The following HMCN1 variants were observed in gnomAD, a reference collection of about 807,000 sequenced individuals.
The protein encoded by HMCN1 is hemicentin 1.
HMCN1 carries 321 observed loss-of-function variants against 625.9 expected under a neutral mutation model. The ratio of observed to expected loss-of-function variants is 0.51; its 90% CI spans 0.47 to 0.56. The LOEUF is 0.56. Among genes scored for constraint, HMCN1 ranks in the 20% least tolerant of loss-of-function variants. HMCN1 has a pLI of 0.00. For synonymous variants in HMCN1, 2,425 were observed against 2,417.6 expected (o/e 1.00, Z -0.09); for missense variants, 6,588 against 6,887.3 (o/e 0.96, Z 1.54).
intron 1 of HMCN1, 132 bp downstream of exon 1, chr1:185,735,179 C>A: frequency 9.7e-7 from 1 of 1,028,484 alleles, no homozygotes; most frequent in Non-Finnish European, 1.5e-6. Context: ...ATAGTTGTAA[C>A]AAAGAATTAC....
intron 15 of HMCN1, among the ~76,000 whole-genome samples, chr1:185,975,645 T>A (rs1277369859): frequency 1.3e-5 from 2 of 152,118 alleles, no homozygotes; most frequent in East Asian, 1.9e-4. Flanking sequence ...TTAACTATGT[T>A]TAAATATGTT....
intron 40 of HMCN1, 32 bp downstream of exon 40, chr1:186,041,168 G>T: frequency 6.3e-7 from 1 of 1,593,934 alleles, no homozygotes; most frequent in Non-Finnish European, 8.6e-7. Flanking sequence ...TTCTCTTCTG[G>T]TAGAGATATG....
chr1:185,911,913 A>G (rs568213416), intron 6 of HMCN1, 133 bp downstream of exon 6: 3 of 717,258 alleles, frequency 4.2e-6, no homozygotes, highest in East Asian at 2.7e-5. Flanking sequence ...AGCAACGTAC[A>G]TAGGTGTTTG....
rs761093461 is a variant in HMCN1 at position 186,001,686 on chromosome 1, C to A, written c.4293C>A (p.Cys1431Ter). The A allele has an allele frequency of 6.2e-7, 1 of 1,612,412 alleles. No homozygotes were observed. Among genetic ancestry groups the A allele is most frequent in the Non-Finnish European group, 8.5e-7 (1 of 1,178,762 alleles). Reference sequence around the variant, plus strand: ...CAGAGGATGCAGGAAGATATTCCTGCAAAGCAATTAATATTGCAGGCACTT... The same window carrying A: ...CAGAGGATGCAGGAAGATATTCCTGAAAAGCAATTAATATTGCAGGCACTT... ...ATPEDAGRYS[C>*]KAINIAGTSQ... The change falls in exon 28 of 107, where the codon TGC becomes TGA. Residue 1431 changes from cysteine to a stop codon, truncating the protein, a stop_gained. Coordinates refer to ENST00000271588, the MANE Select transcript of HMCN1 (RefSeq NM_031935.3). LOFTEE classifies it high-confidence loss of function.
intron 86 of HMCN1, among the ~76,000 whole-genome samples, chr1:186,134,158 C>G (rs1649420282): frequency 6.6e-6 from 1 of 151,868 alleles, no homozygotes; most frequent in Non-Finnish European, 1.5e-5. Flanking sequence ...ATTAAAGTAC[C>G]AGAAGCGATA....
At chr1:185,737,479 T>C (rs1653674141) in intron 1 of HMCN1, among the ~76,000 whole-genome samples, 1 of 152,204 alleles carries the variant, frequency 6.6e-6, no homozygotes, top group Non-Finnish European at 1.5e-5. Context: ...ATTGGCTGTC[T>C]TAGTGAGTGA....
intron 1 of HMCN1, among the ~76,000 whole-genome samples, chr1:185,807,959 A>C (rs1323976154): frequency 6.6e-6 from 1 of 152,184 alleles, no homozygotes; most frequent in South Asian, 2.1e-4. Flanking sequence ...GAAGGTAGAG[A>C]GACAGTTCTG....
In HMCN1 at chr1:186,112,822, G is replaced by A. The variant is rs1454609721; in HGVS notation, c.11000G>A (p.Arg3667Gln). ...RNGERLQATP[R>Q]VRILSGGRYL... ...ACTTGCTGAATCCAGGCAACACCTC[G>A]AGTGCGAATCCTATCTGGAGGGAGA... The change falls in exon 72 of 107, where the codon CGA (arginine) becomes CAA (glutamine). Residue 3667 changes from arginine to glutamine, a missense_variant. This residue lies in a region of HMCN1 where 4,628 missense variants were observed against 4,853.1 expected (regional missense o/e 0.95). Coordinates refer to ENST00000271588, the MANE Select transcript of HMCN1 (RefSeq NM_031935.3). The A allele has an allele frequency of 5.6e-6, 9 of 1,614,082 alleles. No homozygotes were observed. The highest frequency in any genetic ancestry group is 1.3e-5 in the African/African-American group (1 of 75,034).
chr1:185,872,760 G>A (rs1200917154), intron 4 of HMCN1, among the ~76,000 whole-genome samples: 1 of 152,152 alleles, frequency 6.6e-6, no homozygotes, highest in African/African-American at 2.4e-5. Context: ...TGGGCTCTGG[G>A]AACTGTTTGA....
At position 185,931,936 on chromosome 1, in the gene HMCN1, C is replaced by CT. The variant is rs142295273; in HGVS notation, c.1553-1612dup. 2.5e-3 allele frequency among the ~76,000 whole-genome samples: 381 copies of CT among 152,252 alleles called. 2 individuals carry two copies. The highest frequency in any genetic ancestry group is 8.8e-3 in the African/African-American group (365 of 41,544). The stretch of plus-strand genomic sequence containing the variant: ...GTCACACAACTAATTAGGGGTAGAA[C>CT]TAGGTGGCCTATTATTACCAAATTT... On this transcript the variant is annotated intron_variant, in intron 10 of 106. Coordinates refer to ENST00000271588, the MANE Select transcript of HMCN1 (RefSeq NM_031935.3).
chr1:185,799,798 G>A (rs1197234212), intron 1 of HMCN1, among the ~76,000 whole-genome samples: 2 of 152,192 alleles, frequency 1.3e-5, no homozygotes, highest in Non-Finnish European at 2.9e-5. Flanking sequence ...AGAGACAGCT[G>A]TGGTAGTGCA....
intron 86 of HMCN1, among the ~76,000 whole-genome samples, chr1:186,134,112 TTAAA>T (rs1340684108): frequency 1.3e-5 from 2 of 152,188 alleles, no homozygotes; most frequent in Middle Eastern, 3.2e-3. Flanking sequence ...GTGAGGCATA[TTAAA>T]TAGTCAAAAA....
rs1367111655 is a variant in HMCN1 at position 186,114,107 on chromosome 1, G to A, written c.11260G>A (p.Ala3754Thr). 6.2e-7 allele frequency: 1 copy of A among 1,614,070 alleles called. No homozygotes were observed. Among genetic ancestry groups the A allele is most frequent in the South Asian group, 1.1e-5 (1 of 91,082 alleles). The change falls in exon 73 of 107, where the codon GCT (alanine) becomes ACT (threonine). Residue 3754 changes from alanine to threonine, a missense_variant. Physicochemically the swap from Ala to Thr is moderately conservative, Grantham distance 58. Around this residue, in one of 3 missense-constraint regions of HMCN1, gnomAD observed 4,628 missense variants for 4,853.1 expected, o/e 0.95. Coordinates refer to ENST00000271588, the MANE Select transcript of HMCN1 (RefSeq NM_031935.3). ...ITWRKDGAVL[A>T]GNHARYSILE... is the part of the protein sequence containing the mutation. ...ATGGAGAAAGGATGGAGCTGTTCTA[G>A]CTGGGAATCATGCAAGGTAACCATA...
intron 1 of HMCN1, among the ~76,000 whole-genome samples, chr1:185,817,940 C>A (rs771990484): frequency 6.6e-5 from 10 of 152,138 alleles, no homozygotes; most frequent in Non-Finnish European, 1.2e-4. Flanking sequence ...CAGATTGGTG[C>A]TTTTACCCAT....
intron 10 of HMCN1, among the ~76,000 whole-genome samples, chr1:185,933,048 C>T (rs188976646): frequency 6.6e-6 from 1 of 151,988 alleles, no homozygotes; most frequent in Admixed American, 6.6e-5. Flanking sequence ...AAACTGTTCC[C>T]CATTTCTGCT....
chr1:186,068,516 A>G (rs1217983934), intron 50 of HMCN1, among the ~76,000 whole-genome samples: 1 of 152,164 alleles, frequency 6.6e-6, no homozygotes, highest in African/African-American at 2.4e-5. Context: ...ATCTGTGAAA[A>G]ATCATGGATT....
intron 4 of HMCN1, among the ~76,000 whole-genome samples, chr1:185,875,948 G>T (rs548127320): frequency 6.6e-6 from 1 of 151,896 alleles, no homozygotes; most frequent in African/African-American, 2.4e-5. Context: ...ATGGGGGCAC[G>T]TGTACAGGTT....
In HMCN1 at chr1:186,051,763, G is replaced by A. The variant is rs151055920; in HGVS notation, c.6578-1189G>A. Among the ~76,000 whole-genome samples, 472 of 152,046 alleles carry A rather than the reference G, an allele frequency of 3.1e-3. 3 individuals are homozygous for A. Among genetic ancestry groups the A allele is most frequent in the African/African-American group, 0.011 (441 of 41,496 alleles). On this transcript the variant is annotated intron_variant, in intron 42 of 106. Coordinates refer to ENST00000271588, the MANE Select transcript of HMCN1 (RefSeq NM_031935.3). ...GAAATCTAAGCTGAGTAGAGAAGTC[G>A]GTAAACAGAAGAATAGGCAGCTGGA...
At chr1:185,970,978 G>T (rs557458328) in intron 15 of HMCN1, among the ~76,000 whole-genome samples, 2 of 151,918 alleles carry the variant, frequency 1.3e-5, no homozygotes, top group Non-Finnish European at 2.9e-5. Context: ...GGTACCGTTC[G>T]CTGTGTCAAA....
Sources: gnomAD v4.1 joint callset for allele counts (sites outside exome capture counted in the v4.1 genomes callset) on GRCh38, gnomAD v4.1.1 for gene constraint, gnomAD v4.1.1 regional missense constraint, MANE v1.5 for transcripts, NCBI Gene and HGNC (gene_info 2026-07-23, HGNC 2026-07-21) for gene names.